UNC13C: variants seen among roughly 807,000 people sequenced by gnomAD.
The protein encoded by UNC13C is unc-13 homolog C, also known as protein unc-13 homolog C.
A neutral mutation model predicts 245.4 loss-of-function variants in UNC13C; 174 were observed. That is an observed-to-expected ratio of 0.71 (90% CI 0.63 to 0.80). UNC13C has a LOEUF of 0.80. UNC13C is among the 30% of genes least tolerant of loss of function. UNC13C has a pLI of 0.00. For synonymous variants in UNC13C, 992 were observed against 895.1 expected (o/e 1.11, Z -1.93); for missense variants, 2,829 against 2,602.9 (o/e 1.09, Z -1.89).
At chr15:54,076,712 C>G (rs990569184) in intron 2 of UNC13C, among the ~76,000 whole-genome samples, 2 of 152,150 alleles carry the variant, frequency 1.3e-5, no homozygotes, top group Admixed American at 1.3e-4. Context: ...TCATTACCCA[C>G]CACCCAACAC....
chr15:54,255,026 C>T (rs891661918), intron 8 of UNC13C, among the ~76,000 whole-genome samples: 27 of 152,114 alleles, frequency 1.8e-4, no homozygotes, highest in African/African-American at 6.0e-4. Context: ...GGGTGTAGCT[C>T]GCTTCTTCAG....
At chr15:54,622,904 C>T (rs763939944) in intron 31 of UNC13C, among the ~76,000 whole-genome samples, 17 of 151,978 alleles carry the variant, frequency 1.1e-4, no homozygotes, top group Non-Finnish European at 1.8e-4. Context: ...ACAATACGCT[C>T]GTTCTATTTT....
chr15:53,936,800 T>C, the UNC13C span, among the ~76,000 whole-genome samples: 1 of 152,256 alleles, frequency 6.6e-6, no homozygotes, highest in Non-Finnish European at 1.5e-5. Flanking sequence ...TAACAGTCAG[T>C]GGCCTGTTTG....
intron 2 of UNC13C, among the ~76,000 whole-genome samples, chr15:54,082,740 G>T (rs543287358): frequency 1.3e-4 from 20 of 152,208 alleles, no homozygotes; most frequent in Non-Finnish European, 1.9e-4. Flanking sequence ...TGATGGGACT[G>T]TTTTTAATTT....
chr15:54,119,425 T>G (rs766179255), intron 2 of UNC13C, among the ~76,000 whole-genome samples: 14 of 152,180 alleles, frequency 9.2e-5, no homozygotes, highest in Admixed American at 5.2e-4. Flanking sequence ...CCGCATACTG[T>G]GCCCATTTAT....
At chr15:54,096,029 A>C (rs991828906) in intron 2 of UNC13C, among the ~76,000 whole-genome samples, 1 of 152,186 alleles carries the variant, frequency 6.6e-6, no homozygotes, top group Non-Finnish European at 1.5e-5. Flanking sequence ...ATTTGACTAG[A>C]AAGAGAGCAT....
chr15:53,932,473 A>C, the UNC13C span, among the ~76,000 whole-genome samples: 5 of 152,234 alleles, frequency 3.3e-5, no homozygotes, highest in Admixed American at 2.6e-4. Context: ...AATTTGTCTA[A>C]CTGCAGGTAC....
chr15:53,851,849 A>AG, the UNC13C span, among the ~76,000 whole-genome samples: 3 of 152,208 alleles, frequency 2.0e-5, no homozygotes, highest in Non-Finnish European at 2.9e-5. Context: ...GGTTGCTGGA[A>AG]GGTGGTGCGT....
At chr15:54,168,439 G>A (rs2033265908) in intron 4 of UNC13C, among the ~76,000 whole-genome samples, 1 of 152,096 alleles carries the variant, frequency 6.6e-6, no homozygotes, top group Non-Finnish European at 1.5e-5. Flanking sequence ...CTGGTTCCTT[G>A]TAAGATTGGG....
At chr15:53,901,045 A>G in the UNC13C span, among the ~76,000 whole-genome samples, 1 of 152,084 alleles carries the variant, frequency 6.6e-6, no homozygotes, top group African/African-American at 2.4e-5. Context: ...TCAAAAACAC[A>G]TATAAAGTAT....
intron 2 of UNC13C, among the ~76,000 whole-genome samples, chr15:54,028,891 C>A (rs1008147671): frequency 2.0e-5 from 3 of 151,918 alleles, no homozygotes; most frequent in African/African-American, 7.3e-5. Context: ...TCACTGTGCT[C>A]CATTTCCTCA....
chr15:54,172,247 G>T (rs1472105625), intron 4 of UNC13C, among the ~76,000 whole-genome samples: 3 of 152,028 alleles, frequency 2.0e-5, no homozygotes, highest in Non-Finnish European at 1.5e-5. Context: ...ATAATTAAAA[G>T]AGTATAATTG....
intron 17 of UNC13C, among the ~76,000 whole-genome samples, chr15:54,348,369 T>C (rs2038906911): frequency 6.6e-6 from 1 of 152,176 alleles, no homozygotes; most frequent in Non-Finnish European, 1.5e-5. Flanking sequence ...TGCATTAAAA[T>C]ACCTTTTGTC....
chr15:54,584,998 C>T lies in UNC13C; in HGVS notation c.6106+17051C>T, dbSNP rs554110152. Among the ~76,000 whole-genome samples the T allele has an allele frequency of 6.4e-4, 97 of 152,306 alleles. 1 individual carries two copies. The highest frequency in any genetic ancestry group is 3.4e-3 in the Middle Eastern group (1 of 294). ...GCCATTTGAGTAAAACCAATTTTGGCCTATACTTTTGATTCCCCATCACCA... is the reference window on the plus strand; with the variant it reads ...GCCATTTGAGTAAAACCAATTTTGGTCTATACTTTTGATTCCCCATCACCA... On this transcript the variant is annotated intron_variant, in intron 30 of 32. Transcript: ENST00000260323.
At chr15:53,855,389 G>A in the UNC13C span, among the ~76,000 whole-genome samples, 4 of 152,150 alleles carry the variant, frequency 2.6e-5, no homozygotes, top group South Asian at 8.3e-4. Context: ...TAAGGGGAAT[G>A]CTTCCAGTTT....
rs533181149 is a variant in UNC13C, at chr15:54,545,078, T to C, written c.5697-1644T>C. 1.9e-4 allele frequency among the ~76,000 whole-genome samples: 29 copies of C among 152,330 alleles called. 1 individual carries two copies. Among genetic ancestry groups the C allele is most frequent in the African/African-American group, 6.5e-4 (27 of 41,564 alleles). On this transcript the variant is annotated intron_variant, in intron 26 of 32. Transcript: ENST00000260323. ...CAAGGCTACAGTAACCAAAACAGCA[T>C]GGTACTGGTACCAGAACAGATATAT...
Position 54,494,827 on chromosome 15 carries a change from AT to A in UNC13C, c.5060+94del, listed in dbSNP as rs1893879931. On this transcript the variant is annotated intron_variant, in intron 20 of 32. Transcript: ENST00000260323. ...TTGTGTACCACTAAAATCTCTTCAC[AT>A]AATCTTCATTGGAATGCAGAAATTT... 11 of 1,415,254 alleles carry A rather than the reference AT, an allele frequency of 7.8e-6. No individual in the cohort carries two copies. In the Admixed American group the frequency reaches 2.2e-4, roughly 29 times the overall value. The allele number at this position is 1,415,254 out of a possible 1,614,324, so 87.7% of individuals were successfully genotyped here.
the UNC13C span, among the ~76,000 whole-genome samples, chr15:53,932,257 C>T: frequency 4.6e-5 from 7 of 151,790 alleles, no homozygotes; most frequent in East Asian, 7.8e-4. Context: ...TGCAGTGAGC[C>T]GAGATTTCAC....
At chr15:54,312,822 C>T (rs55982938) in intron 13 of UNC13C, among the ~76,000 whole-genome samples, 1 of 151,734 alleles carries the variant, frequency 6.6e-6, no homozygotes, top group Non-Finnish European at 1.5e-5. Context: ...GAAATACCCT[C>T]CCATTCCTCT....
Sources: gnomAD v4.1 joint callset for allele counts (sites outside exome capture counted in the v4.1 genomes callset) on GRCh38, gnomAD v4.1.1 for gene constraint, MANE v1.5 for transcripts, NCBI Gene and HGNC (gene_info 2026-07-23, HGNC 2026-07-21) for gene names.